LGALSL: variants seen among roughly 807,000 people sequenced by gnomAD.
The protein encoded by LGALSL is galectin-related protein.
A neutral mutation model predicts 19.5 loss-of-function variants in LGALSL; 13 were observed. The ratio of observed to expected loss-of-function variants is 0.67; its 90% CI spans 0.43 to 1.06. The LOEUF is 1.06. LGALSL is among the 50% of genes least tolerant of loss of function. The pLI is 0.00. For missense variants in LGALSL, 189 were observed against 219.3 expected, an observed-to-expected ratio of 0.86 and a Z score of 0.87; for synonymous variants, 86 against 78.3, an observed-to-expected ratio of 1.10 and a Z score of -0.52.
intron 2 of LGALSL, 41 bp from the exon 3 acceptor site, chr2:64,455,548 A>G: frequency 6.4e-7 from 1 of 1,574,678 alleles, no homozygotes; most frequent in Middle Eastern, 1.7e-4. Flanking sequence ...CTTTTCCCTA[A>G]CAGGCTGTAA....
rs1347471590 is a variant in LGALSL, at chr2:64,460,519, G to A, written c.*2091G>A. On this transcript the variant is annotated 3_prime_UTR_variant, in exon 5 of 5. Coordinates refer to ENST00000238875, the MANE Select transcript of LGALSL (RefSeq NM_014181.3). ...AAACTAGAGGAGCAGGGCGTGTACT[G>A]ATTGGAATTGACACGCTTATTCTGT... 1 of 152,218 alleles carries A rather than the reference G, an allele frequency of 6.6e-6. No individual in the cohort carries two copies. Among genetic ancestry groups the A allele is most frequent in the Admixed American group, 6.5e-5 (1 of 15,286 alleles). The allele number at this position is 152,218 out of a possible 1,614,324, so 9.4% of individuals were successfully genotyped here. A position where few individuals can be genotyped will look rare whatever the true frequency, so the allele number is the denominator to read the frequency against.
At position 64,454,454 on chromosome 2, in the gene LGALSL, A is replaced by ACCCGCGCCCCCGCCCCCGC. The variant is rs1553385578; in HGVS notation, c.-84_-66dup. On this transcript the variant is annotated 5_prime_UTR_variant, in exon 1 of 5. Coordinates refer to ENST00000238875, the MANE Select transcript of LGALSL (RefSeq NM_014181.3). The surrounding 1 kb of genome is among the most constrained non-coding windows in gnomAD (Gnocchi z 5.1). Reference sequence around the variant, plus strand: ...GTGCGCGCGCCCGCCGCCAGCTCGGACCCGCGCCCCCGCCCCCGCCCCGCG... The same window carrying ACCCGCGCCCCCGCCCCCGC: ...GTGCGCGCGCCCGCCGCCAGCTCGGACCCGCGCCCCCGCCCCCGCCCCGCGCCCCCGCCCCCGCCCCGCG... 2.7e-4 allele frequency: 149 copies of ACCCGCGCCCCCGCCCCCGC among 561,874 alleles called. No homozygotes were observed. The South Asian group carries it at 6.9e-3, about 26-fold the overall frequency. 34.8% of individuals were successfully genotyped at this position (561,874 alleles called of 1,614,324 possible).
intron 4 of LGALSL, 116 bp from the exon 5 acceptor site, chr2:64,458,169 A>C: frequency 1.0e-6 from 1 of 962,264 alleles, no homozygotes. Flanking sequence ...GTCTCAATGC[A>C]TTCTGATGTT....
In LGALSL at chr2:64,456,301, T is replaced by C; in HGVS notation, c.211T>C (p.Leu71=). 6.2e-7 allele frequency: 1 copy of C among 1,612,242 alleles called. No homozygotes were observed. The highest frequency in any genetic ancestry group is 8.5e-7 in the Non-Finnish European group (1 of 1,179,318). ...TTTTCTTTTCAGCTTTGCAATCAGC[T>C]TGACCTGTGGGGACTCAGAAGACCC... is the stretch of plus-strand genomic sequence containing the variant. ...DLNPESFAIS[L]TCGDSEDPPA... The change falls in exon 4 of 5, where the codon TTG becomes CTG. Residue 71 remains leucine, a synonymous_variant. Coordinates refer to ENST00000238875, the MANE Select transcript of LGALSL (RefSeq NM_014181.3).
chr2:64,454,695 C>A lies in LGALSL; in HGVS notation c.36+114C>A. The stretch of plus-strand genomic sequence containing the variant: ...AGCCGCAGGCCCGGCCGGCGCCCGG[C>A]GCGTGGGAAGGCGCCCGGTACCTGT... On this transcript the variant is annotated intron_variant, in intron 1 of 4. Transcript: ENST00000238875. The surrounding 1 kb of genome is among the most constrained non-coding windows in gnomAD (Gnocchi z 5.1). 2.6e-6 allele frequency: 2 copies of A among 782,754 alleles called. No homozygotes were observed. The highest frequency in any genetic ancestry group is 3.4e-6 in the Non-Finnish European group (2 of 589,184). 48.5% of individuals were successfully genotyped at this position (782,754 alleles called of 1,614,324 possible).
intron 4 of LGALSL, among the ~76,000 whole-genome samples, chr2:64,457,432 A>T (rs7608275): frequency 8.1e-4 from 124 of 152,228 alleles, no homozygotes; most frequent in African/African-American, 2.8e-3. Context: ...AAAAAAAAAA[A>T]AAATAAAGGG....
At position 64,455,324 on chromosome 2, in the gene LGALSL, C is replaced by G; in HGVS notation, c.37-20C>G. 1.3e-6 allele frequency: 2 copies of G among 1,580,494 alleles called. No individual in the cohort carries two copies. The highest frequency in any genetic ancestry group is 1.7e-6 in the Non-Finnish European group (2 of 1,149,334). ...AAAAAAGAGCCCATGGAAAGCCAAT[C>G]TGTGTACTTCTATTTTTAGAAACTA... On this transcript the variant is annotated intron_variant, in intron 1 of 4. Transcript: ENST00000238875.
chr2:64,455,292 G>A, intron 1 of LGALSL, 52 bp from the exon 2 acceptor site: 1 of 1,221,804 alleles, frequency 8.2e-7, no homozygotes, highest in Non-Finnish European at 1.2e-6. Context: ...TCTTCCTCCA[G>A]CCCCCCAAAA....
Position 64,455,398 on chromosome 2 carries a change from G to A in LGALSL, c.91G>A (p.Val31Met), listed in dbSNP as rs145173493. ...NSLSSPVQAD[V>M]YFPRLIVPFC... Reference sequence around the variant, plus strand: ...TTTGAGCTCTCCAGTTCAAGCGGACGTGTACTTCCCACGACTGGTAAATGA... The same window carrying A: ...TTTGAGCTCTCCAGTTCAAGCGGACATGTACTTCCCACGACTGGTAAATGA... The change falls in exon 2 of 5, where the codon GTG (valine) becomes ATG (methionine). Residue 31 changes from valine to methionine, a missense_variant. Physicochemically the swap from Val to Met is conservative, Grantham distance 21. Coordinates refer to ENST00000238875, the MANE Select transcript of LGALSL (RefSeq NM_014181.3). The A allele has an allele frequency of 4.9e-4, 794 of 1,613,182 alleles. 4 individuals are homozygous for A. The Middle Eastern group carries it at 0.014, about 29-fold the overall frequency.
chr2:64,456,628 T>C (rs549215294), intron 4 of LGALSL, among the ~76,000 whole-genome samples, 163 bp downstream of exon 4: 2 of 152,346 alleles, frequency 1.3e-5, no homozygotes, highest in Non-Finnish European at 2.9e-5. Context: ...TGTTTGCTGA[T>C]ATAAATTAAC....
rs1686787351 is a variant in LGALSL at position 64,459,643 on chromosome 2, A to G, written c.*1215A>G. ...TAGATAGGATCCAGATTAGGAAATG[A>G]TCCAGTTAGTTTATCTGAAAGGTTA... On this transcript the variant is annotated 3_prime_UTR_variant, in exon 5 of 5. Transcript: ENST00000238875. The G allele has an allele frequency of 6.6e-6, 1 of 152,212 alleles. No homozygotes were observed. Among genetic ancestry groups the G allele is most frequent in the Non-Finnish European group, 1.5e-5 (1 of 68,050 alleles). The allele number at this position is 152,212 out of a possible 1,614,324, so 9.4% of individuals were successfully genotyped here. A position where few individuals can be genotyped will look rare whatever the true frequency, so the allele number is the denominator to read the frequency against.
Position 64,459,454 on chromosome 2 carries a change from G to C in LGALSL, c.*1026G>C, listed in dbSNP as rs955655384. Reference sequence around the variant, plus strand: ...AATGCAGTGTAAAGCAGAAGCAAACGGCCCTGAATAACTTACTTGGAAGTA... The same window carrying C: ...AATGCAGTGTAAAGCAGAAGCAAACCGCCCTGAATAACTTACTTGGAAGTA... On this transcript the variant is annotated 3_prime_UTR_variant, in exon 5 of 5. Coordinates refer to ENST00000238875, the MANE Select transcript of LGALSL (RefSeq NM_014181.3). 6.6e-6 allele frequency: 1 copy of C among 152,120 alleles called. No individual in the cohort carries two copies. The highest frequency in any genetic ancestry group is 1.5e-5 in the Non-Finnish European group (1 of 68,022). 9.4% of individuals were successfully genotyped at this position (152,120 alleles called of 1,614,324 possible).
Position 64,454,508 on chromosome 2 carries a change from C to T in LGALSL, c.-38C>T. The T allele has an allele frequency of 7.5e-7, 1 of 1,336,340 alleles. No individual in the cohort carries two copies. Among genetic ancestry groups the T allele is most frequent in the Non-Finnish European group, 9.7e-7 (1 of 1,035,370 alleles). The allele number at this position is 1,336,340 out of a possible 1,614,324, so 82.8% of individuals were successfully genotyped here. A position where few individuals can be genotyped will look rare whatever the true frequency, so the allele number is the denominator to read the frequency against. On this transcript the variant is annotated 5_prime_UTR_variant, in exon 1 of 5. Coordinates refer to ENST00000238875, the MANE Select transcript of LGALSL (RefSeq NM_014181.3). The surrounding 1 kb of genome is among the most constrained non-coding windows in gnomAD (Gnocchi z 5.1). ...GACAGCCCCGGGATCCCCGCCCGCG[C>T]GCCGCGTCCCACGTACCCCGCCGCG...
At position 64,454,393 on chromosome 2, in the gene LGALSL, CG is replaced by C. The variant is rs1686692365; in HGVS notation, c.-150del. 1 of 382,864 alleles carries C rather than the reference CG, an allele frequency of 2.6e-6. No homozygotes were observed. Among genetic ancestry groups the C allele is most frequent in the Non-Finnish European group, 4.5e-6 (1 of 219,804 alleles). 23.7% of individuals were successfully genotyped at this position (382,864 alleles called of 1,614,324 possible). Reference sequence around the variant, plus strand: ...CAGGCTCTGCCTGCCAGGTCGGCGCCGGGCCCCGGGCGCGCGCGCGCGCGCC... The same window carrying C: ...CAGGCTCTGCCTGCCAGGTCGGCGCCGGCCCCGGGCGCGCGCGCGCGCGCC... On this transcript the variant is annotated 5_prime_UTR_variant, in exon 1 of 5. Transcript: ENST00000238875. This position sits in a 1 kb window ranked among gnomAD's most constrained non-coding sequence, Gnocchi z 5.1.
rs968180015 is a variant in LGALSL, at chr2:64,460,097, A to G, written c.*1669A>G. 9.2e-5 allele frequency: 14 copies of G among 151,686 alleles called. No individual in the cohort carries two copies. Among genetic ancestry groups the G allele is most frequent in the African/African-American group, 3.2e-4 (13 of 41,242 alleles). The allele number at this position is 151,686 out of a possible 1,614,324, so 9.4% of individuals were successfully genotyped here. A position where few individuals can be genotyped will look rare whatever the true frequency, so the allele number is the denominator to read the frequency against. On this transcript the variant is annotated 3_prime_UTR_variant, in exon 5 of 5. Transcript: ENST00000238875. Reference sequence around the variant, plus strand: ...GTGTCAAGAATGTAGACAGTGTTTCAGTACCAAAGTCTAAAATAAACTAAA... The same window carrying G: ...GTGTCAAGAATGTAGACAGTGTTTCGGTACCAAAGTCTAAAATAAACTAAA...
rs1286326466 is a variant in LGALSL at position 64,461,281 on chromosome 2, T to TTTC, written c.*2856_*2858dup. On this transcript the variant is annotated 3_prime_UTR_variant, in exon 5 of 5. Transcript: ENST00000238875. ...TGATGACATATTTTCAAAGAAACAC[T>TTTC]TTCTTATTTACTGTGTGGTGTAAAA... 6.6e-6 allele frequency: 1 copy of TTTC among 152,220 alleles called. No homozygotes were observed. The highest frequency in any genetic ancestry group is 1.5e-5 in the Non-Finnish European group (1 of 68,032). The allele number at this position is 152,220 out of a possible 1,614,324, so 9.4% of individuals were successfully genotyped here.
intron 4 of LGALSL, among the ~76,000 whole-genome samples, chr2:64,456,930 C>T (rs1304918731): frequency 6.6e-6 from 1 of 152,120 alleles, no homozygotes; most frequent in Non-Finnish European, 1.5e-5. Context: ...AGGCCATGTT[C>T]GTGTCCTTGT....
At chr2:64,455,216 G>C (rs1249594596) in intron 1 of LGALSL, 128 bp from the exon 2 acceptor site, 4 of 727,464 alleles carry the variant, frequency 5.5e-6, no homozygotes, top group Non-Finnish European at 1.0e-5. Flanking sequence ...AGACGGTGAA[G>C]AGGCATCATC....
At position 64,455,397 on chromosome 2, in the gene LGALSL, C is replaced by T; in HGVS notation, c.90C>T (p.Asp30=). The T allele has an allele frequency of 6.2e-7, 1 of 1,613,084 alleles. No individual in the cohort carries two copies. Among genetic ancestry groups the T allele is most frequent in the Non-Finnish European group, 8.5e-7 (1 of 1,179,014 alleles). ...CTTTGAGCTCTCCAGTTCAAGCGGACGTGTACTTCCCACGACTGGTAAATG... is the reference window on the plus strand; with the variant it reads ...CTTTGAGCTCTCCAGTTCAAGCGGATGTGTACTTCCCACGACTGGTAAATG... The part of the protein sequence containing the change: ...NNSLSSPVQA[D]VYFPRLIVPF... Residue 30 remains aspartate (D), a synonymous_variant, in exon 2 of 5, where the codon GAC becomes GAT. Transcript: ENST00000238875.
Sources: allele counts gnomAD v4.1 joint callset (sites outside exome capture counted in the v4.1 genomes callset), GRCh38; gene constraint gnomAD v4.1.1; non-coding constraint Gnocchi (gnomAD v3.1); transcripts MANE v1.5; gene names NCBI Gene and HGNC (gene_info 2026-07-23, HGNC 2026-07-21).